The following ABCA13 variants were observed in gnomAD, a reference collection of about 807,000 sequenced individuals.
ABCA13 encodes the protein ATP binding cassette subfamily A member 13, also known as ATP-binding cassette sub-family A member 13.
In ABCA13, 476 loss-of-function variants were observed where a neutral mutation model predicts 478.7. The observed-to-expected ratio is 0.99, with a 90% confidence interval of 0.92 to 1.07. ABCA13 has a LOEUF of 1.07. ABCA13 is among the 50% of genes least tolerant of loss of function. The probability of loss-of-function intolerance (pLI) is 0.00; values close to 1 mark genes in which losing one functional copy is unlikely to be tolerated. For missense variants in ABCA13, 6,060 were observed against 5,910.6 expected (o/e 1.03, Z -0.83); for synonymous variants, 2,252 against 2,158.9 (o/e 1.04, Z -1.20).
At chr7:48,321,413 C>T (rs1803436584) in intron 27 of ABCA13, among the ~76,000 whole-genome samples, 1 of 152,140 alleles carries the variant, frequency 6.6e-6, no homozygotes, top group Non-Finnish European at 1.5e-5. Flanking sequence ...CTGGCTTCTC[C>T]TCTACTGGTG....
At chr7:48,451,718 T>C (rs972948681) in intron 42 of ABCA13, among the ~76,000 whole-genome samples, 2 of 152,328 alleles carry the variant, frequency 1.3e-5, no homozygotes, top group Admixed American at 6.5e-5. Context: ...TTGGATGAAC[T>C]GGGTAGTGTG....
chr7:48,442,814 C>T (rs1823805285), intron 42 of ABCA13, among the ~76,000 whole-genome samples: 1 of 152,144 alleles, frequency 6.6e-6, no homozygotes, highest in Non-Finnish European at 1.5e-5. Context: ...AGATACACTG[C>T]CTTGGTGTGA....
At chr7:48,174,439 A>G (rs1794570297) in intron 1 of ABCA13, among the ~76,000 whole-genome samples, 2 of 152,142 alleles carry the variant, frequency 1.3e-5, no homozygotes, top group Non-Finnish European at 2.9e-5. Context: ...CATATATTTC[A>G]TGATTATAGT....
intron 2 of ABCA13, among the ~76,000 whole-genome samples, chr7:48,195,885 C>G (rs1797860712): frequency 6.6e-6 from 1 of 151,992 alleles, no homozygotes; most frequent in Non-Finnish European, 1.5e-5. Flanking sequence ...TAAGGACTGA[C>G]AAGTTCTCCA....
At chr7:48,340,231 T>C (rs1014348546) in intron 29 of ABCA13, among the ~76,000 whole-genome samples, 12 of 152,110 alleles carry the variant, frequency 7.9e-5, no homozygotes, top group African/African-American at 2.9e-4. Context: ...CCCACCCTCC[T>C]GAGTGGCTGG....
chr7:48,455,815 C>A (rs1012493251), intron 43 of ABCA13, among the ~76,000 whole-genome samples: 36 of 152,330 alleles, frequency 2.4e-4, no homozygotes, highest in African/African-American at 8.4e-4. Context: ...GGATCTGTTG[C>A]CGGTGCGTTC....
intron 55 of ABCA13, among the ~76,000 whole-genome samples, chr7:48,530,952 G>A (rs1446872489): frequency 6.6e-6 from 1 of 152,148 alleles, no homozygotes; most frequent in Admixed American, 6.5e-5. Flanking sequence ...TGTTAACCCT[G>A]CTGATTGCTT....
intron 55 of ABCA13, among the ~76,000 whole-genome samples, chr7:48,532,761 T>C (rs192190464): frequency 6.6e-6 from 1 of 152,102 alleles, no homozygotes; most frequent in Non-Finnish European, 1.5e-5. Context: ...AATTTATTCA[T>C]CTCCTTCAGG....
intron 15 of ABCA13, among the ~76,000 whole-genome samples, chr7:48,251,905 GC>G (rs1401597816): frequency 1.3e-5 from 2 of 152,042 alleles, no homozygotes; most frequent in African/African-American, 4.8e-5. Context: ...TCTTATAAAA[GC>G]TCCATTGTAT....
chr7:48,357,852 G>T (rs1034426102), intron 31 of ABCA13, among the ~76,000 whole-genome samples: 1 of 151,762 alleles, frequency 6.6e-6, no homozygotes, highest in African/African-American at 2.4e-5. Context: ...TGAAAGTCTG[G>T]TATGTTTTCG....
intron 38 of ABCA13, among the ~76,000 whole-genome samples, chr7:48,392,454 A>G (rs1816216655): frequency 2.0e-5 from 3 of 152,200 alleles, no homozygotes; most frequent in Admixed American, 2.0e-4. Flanking sequence ...GTGTCCTGAA[A>G]TGAAAAGAAT....
intron 8 of ABCA13, among the ~76,000 whole-genome samples, chr7:48,237,705 C>G (rs1790175327): frequency 6.6e-6 from 1 of 152,206 alleles, no homozygotes. Flanking sequence ...AATAGTCCTC[C>G]TCTTTCCCTG....
chr7:48,641,421 A>G (rs1486769755), intron 59 of ABCA13, among the ~76,000 whole-genome samples: 1 of 152,188 alleles, frequency 6.6e-6, no homozygotes, highest in Non-Finnish European at 1.5e-5. Context: ...TTATTTATCT[A>G]CTTAGTTACA....
chr7:48,589,092 G>A (rs1789483048), intron 57 of ABCA13, among the ~76,000 whole-genome samples: 1 of 152,134 alleles, frequency 6.6e-6, no homozygotes, highest in South Asian at 2.1e-4. Context: ...TAAGAAATAT[G>A]TGTTTAGTAC....
intron 1 of ABCA13, among the ~76,000 whole-genome samples, chr7:48,174,289 C>T (rs1794545853): frequency 6.6e-6 from 1 of 151,936 alleles, no homozygotes; most frequent in African/African-American, 2.4e-5. Flanking sequence ...TTTACATTTA[C>T]TGTTTTTTTT....
At chr7:48,341,059 A>T (rs1424908770) in intron 29 of ABCA13, among the ~76,000 whole-genome samples, 1 of 152,206 alleles carries the variant, frequency 6.6e-6, no homozygotes, top group Non-Finnish European at 1.5e-5. Context: ...TGCTCCCACT[A>T]TGGTAATATG....
intron 1 of ABCA13, among the ~76,000 whole-genome samples, chr7:48,188,015 C>G (rs1049246997): frequency 1.3e-5 from 2 of 151,990 alleles, no homozygotes; most frequent in South Asian, 4.2e-4. Context: ...TTGTTCTTGA[C>G]TCTCTTTTCA....
intron 48 of ABCA13, among the ~76,000 whole-genome samples, chr7:48,494,631 G>A (rs1013955115): frequency 6.6e-6 from 1 of 152,120 alleles, no homozygotes; most frequent in African/African-American, 2.4e-5. Context: ...ACAGAGAGGA[G>A]GACATTGCAT....
At chr7:48,437,813 A>C (rs10234238) in intron 42 of ABCA13, among the ~76,000 whole-genome samples, 4 of 151,968 alleles carry the variant, frequency 2.6e-5, no homozygotes, top group Admixed American at 2.0e-4. Flanking sequence ...TATGGTCTTC[A>C]TAGTTATTTT....
Sources: gnomAD v4.1 joint callset for allele counts (sites outside exome capture counted in the v4.1 genomes callset) on GRCh38, gnomAD v4.1.1 for gene constraint, MANE v1.5 for transcripts, NCBI Gene and HGNC (gene_info 2026-07-23, HGNC 2026-07-21) for gene names.